The following RSPH14 variants were observed in gnomAD, a reference collection of about 807,000 sequenced individuals.
RSPH14 encodes the protein radial spoke head 14 homolog.
In RSPH14, 20 loss-of-function variants were observed where a neutral mutation model predicts 26.7. The ratio of observed to expected loss-of-function variants is 0.75; its 90% CI spans 0.53 to 1.09. RSPH14 has a LOEUF of 1.09. Ranked by LOEUF, RSPH14 falls within the 50% of genes least tolerant of loss-of-function variation. The pLI, the probability that RSPH14 is intolerant of heterozygous loss-of-function variation, is 0.00. For missense variants in RSPH14, 449 were observed against 457.2 expected, an observed-to-expected ratio of 0.98 and a Z score of 0.16; for synonymous variants, 177 against 189.3, an observed-to-expected ratio of 0.93 and a Z score of 0.53.
chr22:23,102,194 C>T (rs1471510748), intron 4 of RSPH14, among the ~76,000 whole-genome samples: 2 of 152,266 alleles, frequency 1.3e-5, no homozygotes, highest in African/African-American at 4.8e-5. Context: ...GGGCCTTCAG[C>T]CGCTCTGAGC....
intron 4 of RSPH14, among the ~76,000 whole-genome samples, chr22:23,073,318 G>A (rs1397253274): frequency 2.0e-5 from 3 of 152,226 alleles, no homozygotes; most frequent in East Asian, 1.9e-4. Flanking sequence ...GAACAGAGGC[G>A]TCAGTGCAGA....
chr22:23,130,496 A>AAGAAAGAAAGAAAG (rs67156030), intron 4 of RSPH14, among the ~76,000 whole-genome samples: 10,877 of 110,668 alleles, frequency 0.098, 1,809 homozygotes, highest in Middle Eastern at 0.12. Flanking sequence ...GAAGGAAAGA[A>AAGAAAGAAAGAAAG]AAAGAAAGAA....
upstream of RSPH14, chr22:23,145,335 C>T (rs376838358): frequency 3.8e-6 from 6 of 1,592,178 alleles, no homozygotes; most frequent in African/African-American, 8.0e-5. Flanking sequence ...GCTGCCAGCC[C>T]CGCCCAGACT....
upstream of RSPH14, among the ~76,000 whole-genome samples, chr22:23,143,653 G>A (rs895325877): frequency 6.6e-6 from 1 of 152,134 alleles, no homozygotes; most frequent in Non-Finnish European, 1.5e-5. Context: ...AAAGCATCTT[G>A]CTTTGGCCAC....
rs755628845 is a variant in RSPH14, at chr22:23,139,304, C to T, written c.200-362G>A. On this transcript the variant is annotated intron_variant, in intron 2 of 6. Coordinates refer to ENST00000216036, the MANE Select transcript of RSPH14 (RefSeq NM_014433.3). ...TATGACTTTGAGTGGGTTACACCTACGGATGCCAGATTTAGCAAATAAAAA... is the reference window on the plus strand; with the variant it reads ...TATGACTTTGAGTGGGTTACACCTATGGATGCCAGATTTAGCAAATAAAAA... 5.3e-5 allele frequency among the ~76,000 whole-genome samples: 8 copies of T among 152,344 alleles called. 1 individual carries two copies. Among genetic ancestry groups the T allele is most frequent in the East Asian group, 3.9e-4 (2 of 5,184 alleles).
the RSPH14 span, among the ~76,000 whole-genome samples, chr22:23,171,552 A>G: frequency 5.9e-5 from 9 of 152,090 alleles, no homozygotes; most frequent in Non-Finnish European, 8.8e-5. Context: ...CATTCAAGTA[A>G]TATTATTCAT....
At chr22:23,122,863 AT>A (rs569845601) in intron 4 of RSPH14, among the ~76,000 whole-genome samples, 75 of 152,324 alleles carry the variant, frequency 4.9e-4, no homozygotes, top group African/African-American at 1.8e-3. Flanking sequence ...GCAAGAGAAC[AT>A]CTTCCAAGCA....
chr22:23,160,605 A>C, the RSPH14 span, among the ~76,000 whole-genome samples: 7 of 152,200 alleles, frequency 4.6e-5, no homozygotes, highest in Admixed American at 3.9e-4. Context: ...GCAAAGGCTC[A>C]GAAGTTTGAG....
chr22:23,118,522 AG>A (rs1356951525), intron 4 of RSPH14, among the ~76,000 whole-genome samples: 1 of 150,210 alleles, frequency 6.7e-6, no homozygotes, highest in Non-Finnish European at 1.5e-5. Flanking sequence ...GGTGAAGGCA[AG>A]GAGGGCTTCT....
chr22:23,075,466 T>C (rs939743213), intron 4 of RSPH14, among the ~76,000 whole-genome samples: 44 of 152,348 alleles, frequency 2.9e-4, no homozygotes, highest in Non-Finnish European at 2.1e-4. Flanking sequence ...GCCCTGGACC[T>C]ACATGGCCAC....
intron 4 of RSPH14, among the ~76,000 whole-genome samples, chr22:23,130,159 G>GAAAAAA (rs901029431): frequency 7.6e-6 from 1 of 131,270 alleles, no homozygotes; most frequent in African/African-American, 2.8e-5. Flanking sequence ...AAGAAAGAAA[G>GAAAAAA]AAAAAGAAAA....
chr22:23,146,018 A>G, upstream of RSPH14: 3 of 985,126 alleles, frequency 3.0e-6, no homozygotes, highest in South Asian at 4.7e-5. Context: ...GCCATGCCTC[A>G]CAGCCCAGTA....
At chr22:23,111,847 G>A (rs934739412) in intron 4 of RSPH14, among the ~76,000 whole-genome samples, 6 of 152,208 alleles carry the variant, frequency 3.9e-5, no homozygotes, top group South Asian at 2.1e-4. Flanking sequence ...CTCAGATCCC[G>A]GTGGCAGTGG....
chr22:23,171,476 C>G, the RSPH14 span, among the ~76,000 whole-genome samples: 1 of 152,178 alleles, frequency 6.6e-6, no homozygotes, highest in Non-Finnish European at 1.5e-5. Flanking sequence ...CAATGCCCAG[C>G]TAGAATTTCA....
chr22:23,064,836 C>A (rs545589388), intron 4 of RSPH14, among the ~76,000 whole-genome samples: 8 of 152,170 alleles, frequency 5.3e-5, no homozygotes, highest in Non-Finnish European at 1.2e-4. Flanking sequence ...AAACAGGCCC[C>A]ACCTGGCTCC....
chr22:23,168,652 G>T, the RSPH14 span, among the ~76,000 whole-genome samples: 1 of 152,294 alleles, frequency 6.6e-6, no homozygotes, highest in Admixed American at 6.5e-5. Flanking sequence ...CAGCCAGGAC[G>T]TATGACTGTC....
intron 4 of RSPH14, among the ~76,000 whole-genome samples, chr22:23,086,926 T>G (rs551726682): frequency 1.4e-4 from 21 of 152,246 alleles, no homozygotes; most frequent in African/African-American, 5.1e-4. Context: ...GGGAAACCCA[T>G]GATGGGACAC....
chr22:23,130,137 AAGAAAGAAAGAAAGAAAGAAAG>A (rs2070309622), intron 4 of RSPH14, among the ~76,000 whole-genome samples: 1 of 110,558 alleles, frequency 9.0e-6, no homozygotes, highest in African/African-American at 3.3e-5. Context: ...GAAAGAAAGA[AAGAAAGAAAGAAAGAAAGAAAG>A]AAAAAGAAAA....
the RSPH14 span, among the ~76,000 whole-genome samples, chr22:23,159,742 CA>C: frequency 6.6e-6 from 1 of 152,210 alleles, no homozygotes; most frequent in Non-Finnish European, 1.5e-5. Flanking sequence ...GGCCCAGTGA[CA>C]GGGGCTCCCA....
Sources: gnomAD v4.1 joint callset for allele counts (sites outside exome capture counted in the v4.1 genomes callset) on GRCh38, gnomAD v4.1.1 for gene constraint, MANE v1.5 for transcripts, NCBI Gene and HGNC (gene_info 2026-07-23, HGNC 2026-07-21) for gene names.